Variants in KAT6B observed in about 807,000 individuals in gnomAD.
KAT6B encodes the protein histone acetyltransferase KAT6B.
KAT6B carries 10 observed loss-of-function variants against 187.5 expected under a neutral mutation model. That is an observed-to-expected ratio of 0.05 (90% confidence interval 0.03 to 0.09). KAT6B has a LOEUF of 0.09. Among genes scored for constraint, KAT6B ranks in the 10% least tolerant of loss-of-function variants. KAT6B has a pLI of 1.00. For synonymous variants in KAT6B, 861 were observed against 926.8 expected (o/e 0.93, Z 1.29); for missense variants, 1,952 against 2,558.9 (o/e 0.76, Z 5.12).
At chr10:74,995,230 C>G (rs925231420) in intron 13 of KAT6B, among the ~76,000 whole-genome samples, 11 of 152,154 alleles carry the variant, frequency 7.2e-5, no homozygotes, top group African/African-American at 2.4e-4. Flanking sequence ...TTTGGCTTTA[C>G]CCCAAGTGTA....
chr10:74,860,398 A>G (rs139924072), intron 3 of KAT6B, among the ~76,000 whole-genome samples: 1 of 152,366 alleles, frequency 6.6e-6, no homozygotes, highest in East Asian at 1.9e-4. Context: ...TATTGTGTAT[A>G]TTAAGCATTT....
At chr10:74,908,045 T>G (rs941369156) in intron 3 of KAT6B, among the ~76,000 whole-genome samples, 3 of 152,124 alleles carry the variant, frequency 2.0e-5, no homozygotes, top group Non-Finnish European at 4.4e-5. Flanking sequence ...GATTACTAGA[T>G]TAATGAGTTA....
Position 75,028,554 on chromosome 10 carries a change from T to G in KAT6B, c.3730T>G (p.Cys1244Gly), listed in dbSNP as rs751941544. The G allele has an allele frequency of 3.1e-6, 5 of 1,614,006 alleles. No homozygotes were observed. The African/African-American group carries it at 4.0e-5, about 13-fold the overall frequency. The change falls in exon 18 of 18, where the codon TGC becomes GGC. Residue 1244 changes from cysteine (C) to glycine (G), a missense_variant. Physicochemically the swap from Cys to Gly is radical, Grantham distance 159 (BLOSUM62 -3). Coordinates refer to ENST00000287239, the MANE Select transcript of KAT6B (RefSeq NM_012330.4). ...GSKDNPEPLKCKQVWPKGTKR... is the reference protein window; with the variant it reads ...GSKDNPEPLKGKQVWPKGTKR... ...TAAAGACAATCCCGAACCTCTAAAGTGCAAACAAGTGTGGCCAAAAGGAAC... is the reference window on the plus strand; with the variant it reads ...TAAAGACAATCCCGAACCTCTAAAGGGCAAACAAGTGTGGCCAAAAGGAAC...
intron 12 of KAT6B, among the ~76,000 whole-genome samples, chr10:74,985,605 G>A (rs1842757420): frequency 6.6e-6 from 1 of 152,156 alleles, no homozygotes; most frequent in South Asian, 2.1e-4. Flanking sequence ...CTTTCTCCTT[G>A]TTGCCTTCCC....
chr10:75,027,054 G>T (rs373930860), intron 17 of KAT6B, among the ~76,000 whole-genome samples: 1 of 152,050 alleles, frequency 6.6e-6, no homozygotes, highest in Non-Finnish European at 1.5e-5. Flanking sequence ...CAGGAGAATC[G>T]CTTGAACCTG....
At chr10:74,933,344 T>C (rs1849015231) in intron 3 of KAT6B, among the ~76,000 whole-genome samples, 1 of 152,234 alleles carries the variant, frequency 6.6e-6, no homozygotes, top group Non-Finnish European at 1.5e-5. Context: ...TTTTAAACAG[T>C]AACATTGTTT....
At chr10:74,975,299 T>G (rs568906447) in intron 7 of KAT6B, 100 bp from the exon 8 acceptor site, 2 of 943,878 alleles carry the variant, frequency 2.1e-6, no homozygotes, top group South Asian at 1.4e-5. Context: ...TTCTTAAGTT[T>G]AAGCCCATTG....
chr10:74,968,009 T>C (rs181332963), intron 4 of KAT6B, among the ~76,000 whole-genome samples: 1 of 152,194 alleles, frequency 6.6e-6, no homozygotes, highest in Non-Finnish European at 1.5e-5. Flanking sequence ...GGTATACTTT[T>C]AAGCTGATGG....
At chr10:74,862,126 T>C (rs1843228475) in intron 3 of KAT6B, among the ~76,000 whole-genome samples, 1 of 152,194 alleles carries the variant, frequency 6.6e-6, no homozygotes, top group African/African-American at 2.4e-5. Flanking sequence ...AGTTTGTCCT[T>C]CAGAATAGAA....
At chr10:74,992,523 A>C (rs1237730281) in intron 13 of KAT6B, among the ~76,000 whole-genome samples, 1 of 152,202 alleles carries the variant, frequency 6.6e-6, no homozygotes, top group Non-Finnish European at 1.5e-5. Context: ...CTCATGTAAG[A>C]GTGTTGTACC....
intron 1 of KAT6B, among the ~76,000 whole-genome samples, chr10:74,828,392 A>G (rs1840435863): frequency 6.6e-6 from 1 of 151,972 alleles, no homozygotes; most frequent in African/African-American, 2.4e-5. Flanking sequence ...AGGTGGAAAT[A>G]GCAAATGGAA....
chr10:74,841,395 A>G (rs1250832153), intron 2 of KAT6B, among the ~76,000 whole-genome samples: 1 of 152,134 alleles, frequency 6.6e-6, no homozygotes, highest in African/African-American at 2.4e-5. Context: ...GCAAAACTCC[A>G]TCTCTACTAA....
At chr10:74,937,424 T>C (rs1406213122) in intron 3 of KAT6B, among the ~76,000 whole-genome samples, 4 of 152,206 alleles carry the variant, frequency 2.6e-5, no homozygotes, top group Non-Finnish European at 2.9e-5. Context: ...CACTGTATTG[T>C]CAAATATTAA....
In KAT6B at chr10:75,025,238, A is replaced by G. The variant is rs201266979; in HGVS notation, c.3653A>G (p.Asp1218Gly). The G allele has an allele frequency of 1.2e-6, 2 of 1,614,116 alleles. No individual in the cohort carries two copies. The highest frequency in any genetic ancestry group is 2.2e-5 in the East Asian group (1 of 44,886). Reference sequence around the variant, plus strand: ...GACAATCATTGCTTCAAGAATGCTGACCCTTGTAGAAGTAAGTAGAGGAAT... The same window carrying G: ...GACAATCATTGCTTCAAGAATGCTGGCCCTTGTAGAAGTAAGTAGAGGAAT... ...GKDNHCFKNA[D>G]PCRNNMNDDS... The change falls in exon 17 of 18, where the codon GAC becomes GGC. Residue 1218 changes from aspartate to glycine, a missense_variant. Coordinates refer to ENST00000287239, the MANE Select transcript of KAT6B (RefSeq NM_012330.4).
chr10:74,861,235 G>A (rs193238999), intron 3 of KAT6B, among the ~76,000 whole-genome samples: 6 of 152,116 alleles, frequency 3.9e-5, no homozygotes, highest in African/African-American at 9.6e-5. Flanking sequence ...GCCGGAGGCC[G>A]AAGGTGCAGT....
Position 75,013,412 on chromosome 10 carries a change from G to C in KAT6B, c.2630-7170G>C, listed in dbSNP as rs550656725. Among the ~76,000 whole-genome samples the C allele has an allele frequency of 3.2e-4, 49 of 151,918 alleles. 1 individual carries two copies. In the South Asian group the frequency reaches 8.4e-3, roughly 26 times the overall value. On this transcript the variant is annotated intron_variant, in intron 13 of 17. Coordinates refer to ENST00000287239, the MANE Select transcript of KAT6B (RefSeq NM_012330.4). ...CAATTGATATCTGGGTGGTTAGCTG[G>C]GGGGAGGGGAGAGGAAGGAAGGGTG...
Position 75,029,941 on chromosome 10 carries a change from A to T in KAT6B, c.5117A>T (p.Tyr1706Phe). The T allele has an allele frequency of 6.2e-7, 1 of 1,614,198 alleles. No individual in the cohort carries two copies. The change falls in exon 18 of 18, where the codon TAT (tyrosine) becomes TTT (phenylalanine). Residue 1706 changes from tyrosine to phenylalanine, a missense_variant. Transcript: ENST00000287239. This position sits in a 1 kb window ranked among gnomAD's most constrained non-coding sequence, Gnocchi z 6.2. ...GGCTCTTCACAGAACAGCTGCTCCT[A>T]TAGCAACCTCACCTCCAGCAGTCTG... Reference protein sequence around the residue: ...GNGSSQNSCSYSNLTSSSLTQ... With the variant: ...GNGSSQNSCSFSNLTSSSLTQ...
intron 3 of KAT6B, among the ~76,000 whole-genome samples, chr10:74,882,539 T>C (rs1214227104): frequency 6.6e-6 from 1 of 152,262 alleles, no homozygotes; most frequent in African/African-American, 2.4e-5. Context: ...TGAATACTAA[T>C]GTAATTTGGA....
intron 3 of KAT6B, among the ~76,000 whole-genome samples, chr10:74,898,855 A>G (rs1846169618): frequency 6.6e-6 from 1 of 152,004 alleles, no homozygotes; most frequent in South Asian, 2.1e-4. Flanking sequence ...TCATTCCTTT[A>G]TTTAGAATCA....
Sources: allele counts gnomAD v4.1 joint callset (sites outside exome capture counted in the v4.1 genomes callset), GRCh38; gene constraint gnomAD v4.1.1; non-coding constraint Gnocchi (gnomAD v3.1); transcripts MANE v1.5; gene names NCBI Gene and HGNC (gene_info 2026-07-23, HGNC 2026-07-21).